Variants in EVC observed in about 807,000 individuals in gnomAD.
EVC encodes evC complex member EVC.
A neutral mutation model predicts 118.9 loss-of-function variants in EVC; 116 were observed. The ratio of observed to expected loss-of-function variants is 0.98; its 90% confidence interval spans 0.84 to 1.14. The LOEUF is 1.14. Ranked by LOEUF, EVC falls within the 50% of genes most tolerant of loss-of-function variation. EVC has a pLI of 0.00. For missense variants in EVC, 1,401 were observed against 1,246.4 expected (o/e 1.12, Z -1.87); for synonymous variants, 619 against 534.7 (o/e 1.16, Z -2.18).
At chr4:5,728,717 C>A (rs114162579) in intron 2 of EVC, among the ~76,000 whole-genome samples, 1 of 152,204 alleles carries the variant, frequency 6.6e-6, no homozygotes, top group African/African-American at 2.4e-5. Context: ...GTTTAAGGGT[C>A]TAATCCCAAC....
rs4688961 is a variant in EVC at position 5,748,357 on chromosome 4, A to T, written c.1098+51A>T. 0.48 allele frequency: 761,517 copies of T among 1,599,964 alleles called. 185,629 individuals are homozygous for T. Among genetic ancestry groups the T allele is most frequent in the African/African-American group, 0.72 (53,856 of 74,646 alleles). On this transcript the variant is annotated intron_variant, in intron 8 of 20. Transcript: ENST00000264956. The stretch of plus-strand genomic sequence containing the variant: ...ACATAAAGATATTCAGACTAGAGAT[A>T]TGGAATCCTGAGGCTTGACATCCTT...
chr4:5,790,048 A>G (rs6854294), intron 12 of EVC, among the ~76,000 whole-genome samples: 103,961 of 151,716 alleles, frequency 0.69, 35,941 homozygotes, highest in South Asian at 0.8. Flanking sequence ...GGGCATGGTG[A>G]CATGCACCAG....
chr4:5,798,499 A>G lies in EVC; in HGVS notation c.2098-87A>G. 1 of 1,378,350 alleles carries G rather than the reference A, an allele frequency of 7.3e-7. No homozygotes were observed. Among genetic ancestry groups the G allele is most frequent in the Non-Finnish European group, 1.0e-6 (1 of 992,120 alleles). 85.4% of individuals were successfully genotyped at this position (1,378,350 alleles called of 1,614,324 possible). A position where few individuals can be genotyped will look rare whatever the true frequency, so the allele number is the denominator to read the frequency against. On this transcript the variant is annotated intron_variant, in intron 14 of 20. Transcript: ENST00000264956. The surrounding 1 kb of genome is among the most constrained non-coding windows in gnomAD (Gnocchi z 4.1). ...CCCTTTTCCAACCCCTGGGCCCTGG[A>G]TAGGACCAGCCCCACATCCCAGTCC...
rs1728752716 is a variant in EVC, at chr4:5,742,503, T to A, written c.801+689T>A. ...ACTATCACAGTTCTCTTCTTCATCA[T>A]GTCATTGTTGTCATCACCATAAACA... is the stretch of plus-strand genomic sequence containing the variant. On this transcript the variant is annotated intron_variant, in intron 6 of 20. Coordinates refer to ENST00000264956, the MANE Select transcript of EVC (RefSeq NM_153717.3). The surrounding 1 kb of genome is among the most constrained non-coding windows in gnomAD (Gnocchi z 5.2). 6.6e-6 allele frequency among the ~76,000 whole-genome samples: 1 copy of A among 152,162 alleles called. No homozygotes were observed. The highest frequency in any genetic ancestry group is 6.5e-5 in the Admixed American group (1 of 15,270).
Position 5,808,310 on chromosome 4 carries a change from C to G in EVC, c.2671C>G (p.Leu891Val), listed in dbSNP as rs1360497935. ...AGVMDLLEAQ[L>V]ETQLQEAEQN... ...AGTCATGGACCTTCTGGAAGCCCAG[C>G]TGGAGACCCAGCTACAGGTACAAGT... Residue 891 changes from leucine to valine, a missense_variant, in exon 18 of 21, where the codon CTG becomes GTG. Transcript: ENST00000264956. The G allele has an allele frequency of 3.8e-5, 61 of 1,614,102 alleles. No individual in the cohort carries two copies. The highest frequency in any genetic ancestry group is 5.2e-5 in the Non-Finnish European group (61 of 1,180,064).
rs571228081 is a variant in EVC, at chr4:5,783,852, C to G, written c.1776+88C>G. ...AGAGATCTCACGTCCTGAACACCCA[C>G]TAGTGCCTATTGTAGGTGCTCTACG... is the stretch of plus-strand genomic sequence containing the variant. On this transcript the variant is annotated intron_variant, in intron 12 of 20. Transcript: ENST00000264956. The G allele has an allele frequency of 5.0e-5, 62 of 1,234,744 alleles. No homozygotes were observed. The African/African-American group carries it at 8.2e-4, about 16-fold the overall frequency. The allele number at this position is 1,234,744 out of a possible 1,614,324, so 76.5% of individuals were successfully genotyped here.
intron 13 of EVC, among the ~76,000 whole-genome samples, chr4:5,795,019 G>A (rs1483358654): frequency 1.3e-5 from 2 of 152,086 alleles, no homozygotes; most frequent in East Asian, 1.9e-4. Flanking sequence ...ATTTCCTTAC[G>A]ATAATGGCTT....
chr4:5,802,311 T>G (rs1715160935), intron 16 of EVC, among the ~76,000 whole-genome samples: 1 of 151,720 alleles, frequency 6.6e-6, no homozygotes. Flanking sequence ...GCAGTGGGAG[T>G]GTTTTAAGTC....
intron 11 of EVC, among the ~76,000 whole-genome samples, chr4:5,780,899 C>T (rs758599452): frequency 4.6e-5 from 7 of 152,220 alleles, no homozygotes; most frequent in Non-Finnish European, 1.0e-4. Flanking sequence ...AAACCAGGCA[C>T]AAGTTTCCAG....
At chr4:5,752,681 C>T in intron 8 of EVC, 155 bp from the exon 9 acceptor site, 1 of 786,042 alleles carries the variant, frequency 1.3e-6, no homozygotes, top group East Asian at 2.6e-5. Context: ...AGATCTCGCT[C>T]ATGAAGGAGA....
chr4:5,748,385 A>G, intron 8 of EVC, 79 bp downstream of exon 8: 2 of 1,498,808 alleles, frequency 1.3e-6, no homozygotes, highest in Non-Finnish European at 1.8e-6. Flanking sequence ...ACATCCTTAA[A>G]TCTAACAGAT....
chr4:5,779,158 C>T (rs1490387292), intron 11 of EVC, among the ~76,000 whole-genome samples: 2,469 of 146,750 alleles, frequency 0.017, 53 homozygotes, highest in Admixed American at 0.039. Flanking sequence ...TGTAGATATG[C>T]GGCATTATTT....
intron 3 of EVC, among the ~76,000 whole-genome samples, chr4:5,730,262 G>A (rs2151925981): frequency 6.6e-6 from 1 of 152,304 alleles, no homozygotes; most frequent in South Asian, 2.1e-4. Flanking sequence ...CTCACAACAT[G>A]TTAGGATCTT....
rs1560291426 is a variant in EVC at position 5,729,388 on chromosome 4, C to T, written c.382C>T (p.Arg128Trp). 2.5e-6 allele frequency: 4 copies of T among 1,613,950 alleles called. No homozygotes were observed. Among genetic ancestry groups the T allele is most frequent in the Non-Finnish European group, 2.5e-6 (3 of 1,179,902 alleles). Residue 128 changes from arginine to tryptophan, a missense_variant and splice_region_variant, in exon 3 of 21, where the codon CGG becomes TGG. By Grantham distance (101) the Arg-to-Trp change is moderately radical. Coordinates refer to ENST00000264956, the MANE Select transcript of EVC (RefSeq NM_153717.3). ...KVIYPINQKF[R>W]PLADGSSNPS... ...CATCTACCCCATCAATCAGAAGTTCCGGGTGAGAGTCCTGAGCTCCATCAT... is the reference window on the plus strand; with the variant it reads ...CATCTACCCCATCAATCAGAAGTTCTGGGTGAGAGTCCTGAGCTCCATCAT...
At chr4:5,790,530 G>A (rs1054906318) in intron 12 of EVC, among the ~76,000 whole-genome samples, 6 of 152,170 alleles carry the variant, frequency 3.9e-5, no homozygotes, top group Non-Finnish European at 8.8e-5. Flanking sequence ...GTCCTTGGTT[G>A]TAGCATGGTC....
the EVC span, among the ~76,000 whole-genome samples, chr4:5,819,926 G>A: frequency 1.3e-5 from 2 of 152,176 alleles, no homozygotes; most frequent in South Asian, 2.1e-4. Flanking sequence ...AGGAGCGGGG[G>A]AGGAGAAGGG....
chr4:5,771,494 T>G (rs1457476901), intron 11 of EVC, among the ~76,000 whole-genome samples: 1 of 151,720 alleles, frequency 6.6e-6, no homozygotes, highest in African/African-American at 2.4e-5. Context: ...CGAAGTCTCT[T>G]TACCATGTAA....
In EVC at chr4:5,749,893, A is replaced by T. The variant is rs1199096389; in HGVS notation, c.1098+1587A>T. Among the ~76,000 whole-genome samples the T allele has an allele frequency of 2.0e-5, 3 of 152,098 alleles. No individual in the cohort carries two copies. The highest frequency in any genetic ancestry group is 4.4e-5 in the Non-Finnish European group (3 of 68,006). Reference sequence around the variant, plus strand: ...AATCCGCTCTGCTCCTCCAGGTGTGATCCACAGACCACAGCATCGGCAACA... The same window carrying T: ...AATCCGCTCTGCTCCTCCAGGTGTGTTCCACAGACCACAGCATCGGCAACA... On this transcript the variant is annotated intron_variant, in intron 8 of 20. Transcript: ENST00000264956. This position sits in a 1 kb window ranked among gnomAD's most constrained non-coding sequence, Gnocchi z 4.4.
At chr4:5,816,048 C>T (rs1159790680), downstream of EVC, among the ~76,000 whole-genome samples, 1 of 152,094 alleles carries the variant, frequency 6.6e-6, no homozygotes, top group African/African-American at 2.4e-5. Context: ...GGCTGTGTGT[C>T]AGCATTACCC....
Sources: gnomAD v4.1 joint callset for allele counts (sites outside exome capture counted in the v4.1 genomes callset) on GRCh38, gnomAD v4.1.1 for gene constraint, Gnocchi (gnomAD v3.1) non-coding constraint, MANE v1.5 for transcripts, NCBI Gene and HGNC (gene_info 2026-07-23, HGNC 2026-07-21) for gene names.